ARID2: variants seen among roughly 807,000 people sequenced by gnomAD.
ARID2 encodes the protein AT-rich interactive domain-containing protein 2.
A neutral mutation model predicts 184.6 loss-of-function variants in ARID2; 32 were observed. That is an observed-to-expected ratio of 0.17 (90% confidence interval 0.13 to 0.23). ARID2 has a LOEUF of 0.23. Among genes scored for constraint, ARID2 ranks in the 10% least tolerant of loss-of-function variants. The probability of loss-of-function intolerance (pLI) is 1.00; values close to 1 mark genes in which losing one functional copy is unlikely to be tolerated. For missense variants in ARID2, 1,696 were observed against 2,197.6 expected (o/e 0.77, Z 4.56); for synonymous variants, 836 against 772.6 (o/e 1.08, Z -1.36).
Position 45,758,772 on chromosome 12 carries a change from TAA to T in ARID2, c.284+27461_284+27462del, listed in dbSNP as rs993963274. ...CCTCCTTCCAGCTAGCAGGGCAGAG[TAA>T]AAGAGAGAAGAAGCACTTTTTCTAA... On this transcript the variant is annotated intron_variant, in intron 3 of 20. Transcript: ENST00000334344. Among the ~76,000 whole-genome samples the T allele has an allele frequency of 1.2e-4, 19 of 152,164 alleles. 1 individual carries two copies. The East Asian group carries it at 2.5e-3, about 20-fold the overall frequency.
At chr12:45,849,084 G>A in intron 13 of ARID2, 114 bp downstream of exon 13, 1 of 1,206,814 alleles carries the variant, frequency 8.3e-7, no homozygotes, top group South Asian at 1.7e-5. Context: ...ACTACTAGAA[G>A]TTTCGTATGG....
At chr12:45,808,664 C>G (rs1308244529) in intron 3 of ARID2, among the ~76,000 whole-genome samples, 1 of 151,894 alleles carries the variant, frequency 6.6e-6, no homozygotes, top group African/African-American at 2.4e-5. Context: ...GGACGAGTTC[C>G]TGTTTATAGC....
At chr12:45,762,358 G>A (rs1483429316) in intron 3 of ARID2, among the ~76,000 whole-genome samples, 1 of 152,152 alleles carries the variant, frequency 6.6e-6, no homozygotes, top group Admixed American at 6.5e-5. Flanking sequence ...TTGTCCGTAG[G>A]CACTGCTTAC....
At chr12:45,791,250 G>C (rs1280318651) in intron 3 of ARID2, among the ~76,000 whole-genome samples, 2 of 151,920 alleles carry the variant, frequency 1.3e-5, no homozygotes, top group Admixed American at 1.3e-4. Context: ...AGTCCTAATG[G>C]TATGAAGTAG....
intron 3 of ARID2, among the ~76,000 whole-genome samples, chr12:45,780,502 T>TG (rs1942068482): frequency 6.6e-6 from 1 of 152,152 alleles, no homozygotes; most frequent in African/African-American, 2.4e-5. Context: ...TGGTAATACA[T>TG]GTTGGAATTA....
chr12:45,830,670 G>A (rs183295401), intron 6 of ARID2, among the ~76,000 whole-genome samples: 2 of 152,178 alleles, frequency 1.3e-5, no homozygotes, highest in East Asian at 3.9e-4. Flanking sequence ...TGATGAAAGT[G>A]TAAATTGCAC....
At chr12:45,888,856 A>G (rs975663401) in intron 16 of ARID2, among the ~76,000 whole-genome samples, 2 of 152,192 alleles carry the variant, frequency 1.3e-5, no homozygotes, top group Admixed American at 6.5e-5. Flanking sequence ...TTTTCAGCAC[A>G]AGGCAATAAA....
intron 16 of ARID2, among the ~76,000 whole-genome samples, chr12:45,890,557 G>C (rs576409323): frequency 1.3e-5 from 2 of 152,218 alleles, no homozygotes; most frequent in East Asian, 1.9e-4. Flanking sequence ...TGTGAGTTCT[G>C]AGAATTAAAC....
chr12:45,872,008 T>G (rs1943933707), intron 16 of ARID2, among the ~76,000 whole-genome samples: 1 of 152,202 alleles, frequency 6.6e-6, no homozygotes, highest in Admixed American at 6.5e-5. Flanking sequence ...TTATTTTTTC[T>G]TGGTTAGGTT....
rs1944503273 is a variant in ARID2 at position 45,904,847 on chromosome 12, T to G, written c.5364-87T>G. 4 of 1,391,624 alleles carry G rather than the reference T, an allele frequency of 2.9e-6. No individual in the cohort carries two copies. The South Asian group carries it at 5.3e-5, about 18-fold the overall frequency. 86.2% of individuals were successfully genotyped at this position (1,391,624 alleles called of 1,614,324 possible). ...GGTGTGGAGCTATGTATTGTTTCTA[T>G]TTTAGTTTTTAAACTTGCAAAATTC... On this transcript the variant is annotated intron_variant, in intron 20 of 20. Coordinates refer to ENST00000334344, the MANE Select transcript of ARID2 (RefSeq NM_152641.4).
At chr12:45,877,459 A>G (rs979873042) in intron 16 of ARID2, among the ~76,000 whole-genome samples, 2 of 151,962 alleles carry the variant, frequency 1.3e-5, no homozygotes, top group Non-Finnish European at 2.9e-5. Flanking sequence ...ATCTAGTTGC[A>G]GGAAAAGAAG....
intron 3 of ARID2, among the ~76,000 whole-genome samples, chr12:45,747,656 A>G (rs1941384916): frequency 6.6e-6 from 1 of 152,214 alleles, no homozygotes; most frequent in South Asian, 2.1e-4. Context: ...CAGAATTAAT[A>G]GTATAGCATT....
At chr12:45,804,518 A>G (rs1942566008) in intron 3 of ARID2, among the ~76,000 whole-genome samples, 1 of 150,688 alleles carries the variant, frequency 6.6e-6, no homozygotes, top group Non-Finnish European at 1.5e-5. Flanking sequence ...GTCTGTATGT[A>G]GTCTTTTTTT....
At chr12:45,900,252 G>A (rs964678831) in intron 20 of ARID2, among the ~76,000 whole-genome samples, 2 of 151,998 alleles carry the variant, frequency 1.3e-5, no homozygotes, top group African/African-American at 4.8e-5. Flanking sequence ...GTGGAGATGG[G>A]GTTTCACCAT....
chr12:45,762,283 A>T (rs1941698273), intron 3 of ARID2, among the ~76,000 whole-genome samples: 16 of 152,132 alleles, frequency 1.1e-4, no homozygotes. Context: ...AGATGGACAT[A>T]CACCGAGCTC....
At position 45,848,930 on chromosome 12, in the gene ARID2, G is replaced by T. The variant is rs1401330994; in HGVS notation, c.1675G>T (p.Gly559Cys). 6.2e-7 allele frequency: 1 copy of T among 1,612,428 alleles called. No individual in the cohort carries two copies. Residue 559 changes from glycine (G) to cysteine (C), a missense_variant, in exon 13 of 21, where the codon GGT becomes TGT. Physicochemically the swap from Gly to Cys is radical, Grantham distance 159. Transcript: ENST00000334344. ...YLSTCSKLAR[G>C]GILTSTGFYK... is the part of the protein sequence containing the mutation. Reference sequence around the variant, plus strand: ...CTCGACTTGCAGTAAATTAGCTCGTGGTGGAATCCTAACATCAACTGGATT... The same window carrying T: ...CTCGACTTGCAGTAAATTAGCTCGTTGTGGAATCCTAACATCAACTGGATT...
At chr12:45,882,017 C>T in intron 16 of ARID2, 1 of 181,326 alleles carries the variant, frequency 5.5e-6, no homozygotes, top group Non-Finnish European at 1.2e-5. Flanking sequence ...CTGTCTGTCA[C>T]ACAACATGGC....
At chr12:45,844,897 A>C (rs1219724137) in intron 11 of ARID2, among the ~76,000 whole-genome samples, 1 of 152,202 alleles carries the variant, frequency 6.6e-6, no homozygotes, top group Non-Finnish European at 1.5e-5. Flanking sequence ...AAGTCATTTG[A>C]TTCCAAAATG....
In ARID2 at chr12:45,905,228, T is replaced by A; in HGVS notation, c.*150T>A. ...GATGCTGAGAGGAAGCTTCGTATTC[T>A]GATCTCTGAGTGAATCCCTTTGTTC... On this transcript the variant is annotated 3_prime_UTR_variant, in exon 21 of 21. Coordinates refer to ENST00000334344, the MANE Select transcript of ARID2 (RefSeq NM_152641.4). The A allele has an allele frequency of 1.4e-6, 1 of 714,090 alleles. No individual in the cohort carries two copies. The highest frequency in any genetic ancestry group is 3.2e-5 in the South Asian group (1 of 31,476). The allele number at this position is 714,090 out of a possible 1,614,324, so 44.2% of individuals were successfully genotyped here. A position where few individuals can be genotyped will look rare whatever the true frequency, so the allele number is the denominator to read the frequency against.
Sources: gnomAD v4.1 joint callset for allele counts (sites outside exome capture counted in the v4.1 genomes callset) on GRCh38, gnomAD v4.1.1 for gene constraint, MANE v1.5 for transcripts, NCBI Gene and HGNC (gene_info 2026-07-23, HGNC 2026-07-21) for gene names.